Variants in NKAIN1 observed in about 807,000 individuals in gnomAD.
The protein encoded by NKAIN1 is sodium/potassium-transporting ATPase subunit beta-1-interacting protein 1.
A neutral mutation model predicts 31.6 loss-of-function variants in NKAIN1; 13 were observed. That is an observed-to-expected ratio of 0.41 (90% CI 0.27 to 0.65). NKAIN1 has a LOEUF of 0.65. NKAIN1 is among the 30% of genes least tolerant of loss of function. The pLI, the probability that NKAIN1 is intolerant of heterozygous loss-of-function variation, is 0.30. For missense variants in NKAIN1, 193 were observed against 262.2 expected, an observed-to-expected ratio of 0.74 and a Z score of 1.82; for synonymous variants, 104 against 109.0, an observed-to-expected ratio of 0.95 and a Z score of 0.28.
At chr1:31,218,669 G>A (rs1315160785) in intron 1 of NKAIN1, among the ~76,000 whole-genome samples, 1 of 152,142 alleles carries the variant, frequency 6.6e-6, no homozygotes, top group African/African-American at 2.4e-5. Context: ...TCAAGCATTT[G>A]GCCATAGCAG....
chr1:31,184,915 G>T (rs377447082), intron 3 of NKAIN1, among the ~76,000 whole-genome samples: 1 of 152,100 alleles, frequency 6.6e-6, no homozygotes, highest in African/African-American at 2.4e-5. Context: ...CACCTCCCTT[G>T]CTCTGAATAC....
intron 1 of NKAIN1, among the ~76,000 whole-genome samples, chr1:31,230,214 G>A (rs1645637767): frequency 1.3e-5 from 2 of 152,182 alleles, no homozygotes; most frequent in Admixed American, 6.5e-5. Flanking sequence ...TACCCCCTTT[G>A]TGAGCTCCCA....
intron 4 of NKAIN1, among the ~76,000 whole-genome samples, chr1:31,183,204 T>C (rs189349169): frequency 6.6e-6 from 1 of 152,218 alleles, no homozygotes; most frequent in Non-Finnish European, 1.5e-5. Context: ...GTCATTCTTT[T>C]TTGTGAATAA....
Position 31,236,208 on chromosome 1 carries a change from T to A in NKAIN1, c.54+3286A>T, listed in dbSNP as rs10798835. ...AAAGCCAGGTCTGTCCTGTCAAACT[T>A]CAGAGCCTTAACTACTATCCTACAC... On this transcript the variant is annotated intron_variant, in intron 1 of 6. Transcript: ENST00000373736. Among the ~76,000 whole-genome samples the A allele has an allele frequency of 1.3e-4, 20 of 152,008 alleles. No homozygotes were observed. The East Asian group carries it at 3.9e-3, about 29-fold the overall frequency.
At chr1:31,216,094 CTT>C (rs1645509608) in intron 1 of NKAIN1, among the ~76,000 whole-genome samples, 1 of 151,662 alleles carries the variant, frequency 6.6e-6, no homozygotes, top group Admixed American at 6.5e-5. Context: ...TGGGAGGAGA[CTT>C]TCTCTCCCTC....
intron 1 of NKAIN1, among the ~76,000 whole-genome samples, chr1:31,221,397 C>A (rs1423123608): frequency 6.6e-6 from 1 of 152,150 alleles, no homozygotes; most frequent in African/African-American, 2.4e-5. Flanking sequence ...CCATCCCAGA[C>A]CTCCTAAATC....
At chr1:31,220,425 A>T (rs1245611253) in intron 1 of NKAIN1, among the ~76,000 whole-genome samples, 1 of 152,006 alleles carries the variant, frequency 6.6e-6, no homozygotes, top group Non-Finnish European at 1.5e-5. Context: ...ATTGCCTCCC[A>T]TACTACCGTA....
At chr1:31,220,008 T>C (rs1384587945) in intron 1 of NKAIN1, among the ~76,000 whole-genome samples, 3 of 148,126 alleles carry the variant, frequency 2.0e-5, no homozygotes, top group South Asian at 2.2e-4. Flanking sequence ...CTCAGATTTT[T>C]TTTTTTTTTT....
intron 1 of NKAIN1, among the ~76,000 whole-genome samples, chr1:31,208,015 C>T (rs1645437352): frequency 6.6e-6 from 1 of 152,132 alleles, no homozygotes; most frequent in Non-Finnish European, 1.5e-5. Flanking sequence ...TCCTGGTCCA[C>T]AGATGGCCGC....
intron 1 of NKAIN1, among the ~76,000 whole-genome samples, chr1:31,235,813 C>T (rs1244646326): frequency 6.6e-6 from 1 of 152,090 alleles, no homozygotes; most frequent in African/African-American, 2.4e-5. Context: ...ATGTCAGAAG[C>T]AGAGCCAGGC....
At chr1:31,206,674 C>T (rs1172896592) in intron 1 of NKAIN1, among the ~76,000 whole-genome samples, 1 of 152,026 alleles carries the variant, frequency 6.6e-6, no homozygotes, top group African/African-American at 2.4e-5. Context: ...TGAGCTCCAG[C>T]AATTTGCCCA....
At chr1:31,204,989 G>A (rs895539032) in intron 1 of NKAIN1, among the ~76,000 whole-genome samples, 13 of 152,176 alleles carry the variant, frequency 8.5e-5, no homozygotes, top group African/African-American at 2.9e-4. Flanking sequence ...TGTAGGATCT[G>A]GGAAAGCCAC....
intron 1 of NKAIN1, among the ~76,000 whole-genome samples, chr1:31,228,150 C>T (rs924338526): frequency 4.6e-5 from 7 of 152,150 alleles, no homozygotes; most frequent in Admixed American, 3.3e-4. Flanking sequence ...TGAGCAGTCT[C>T]GGGCTCTGAG....
Position 31,180,275 on chromosome 1 carries a change from C to G in NKAIN1, c.*1428G>C, listed in dbSNP as rs1645187129. 1 of 152,464 alleles carries G rather than the reference C, an allele frequency of 6.6e-6. No homozygotes were observed. The highest frequency in any genetic ancestry group is 1.5e-5 in the Non-Finnish European group (1 of 68,214). 9.4% of individuals were successfully genotyped at this position (152,464 alleles called of 1,614,324 possible). On this transcript the variant is annotated 3_prime_UTR_variant, in exon 7 of 7. Transcript: ENST00000373736. ...TCCTGCCCTCCTTTCTAACCCAGGGCCATGCCTCTTTCACAGATGAAATGC... is the reference window on the plus strand; with the variant it reads ...TCCTGCCCTCCTTTCTAACCCAGGGGCATGCCTCTTTCACAGATGAAATGC...
At chr1:31,204,803 T>C (rs1283399528) in intron 1 of NKAIN1, among the ~76,000 whole-genome samples, 3 of 152,082 alleles carry the variant, frequency 2.0e-5, no homozygotes, top group Non-Finnish European at 4.4e-5. Flanking sequence ...TAAGGCAGTG[T>C]TCGGAATTTC....
At chr1:31,201,871 G>T (rs981312988) in intron 1 of NKAIN1, among the ~76,000 whole-genome samples, 5 of 152,160 alleles carry the variant, frequency 3.3e-5, no homozygotes, top group Admixed American at 1.3e-4. Context: ...GGCACTGCTG[G>T]AGGTGCCTTC....
In NKAIN1 at chr1:31,220,101, G is replaced by A. The variant is rs568363019; in HGVS notation, c.54+19393C>T. Among the ~76,000 whole-genome samples, 8 of 147,846 alleles carry A rather than the reference G, an allele frequency of 5.4e-5. No individual in the cohort carries two copies. In the East Asian group the frequency reaches 6.1e-4, roughly 11 times the overall value. ...CGGCTCACTGCAACCTCTGCCTCCC[G>A]GGTTCAAGCAATTCTCATGCCTCAG... On this transcript the variant is annotated intron_variant, in intron 1 of 6. Transcript: ENST00000373736.
intron 1 of NKAIN1, among the ~76,000 whole-genome samples, chr1:31,196,613 C>T (rs1210885989): frequency 6.6e-6 from 1 of 151,316 alleles, no homozygotes; most frequent in Non-Finnish European, 1.5e-5. Flanking sequence ...CTTGAATCAA[C>T]CTCCACCAGG....
chr1:31,185,831 A>C (rs6425715), intron 2 of NKAIN1, among the ~76,000 whole-genome samples: 1 of 151,900 alleles, frequency 6.6e-6, no homozygotes, highest in Admixed American at 6.6e-5. Flanking sequence ...TTTCAGAAAC[A>C]TGTTCCAGGT....
Sources: gnomAD v4.1 joint callset for allele counts (sites outside exome capture counted in the v4.1 genomes callset) on GRCh38, gnomAD v4.1.1 for gene constraint, MANE v1.5 for transcripts, NCBI Gene and HGNC (gene_info 2026-07-23, HGNC 2026-07-21) for gene names.